Variants in SYT1 observed in about 807,000 individuals in gnomAD.
SYT1 encodes the protein synaptotagmin-1.
SYT1 carries 8 observed loss-of-function variants against 44.8 expected under a neutral mutation model. That is an observed-to-expected ratio of 0.18 (90% CI 0.10 to 0.32). The LOEUF (loss-of-function observed/expected upper bound fraction) is 0.32, where lower values mean the gene tolerates loss of function less well. Ranked by LOEUF, SYT1 falls within the 10% of genes least tolerant of loss-of-function variation. SYT1 has a pLI of 1.00. For synonymous variants in SYT1, 154 were observed against 188.8 expected (o/e 0.82, Z 1.51); for missense variants, 286 against 509.3 (o/e 0.56, Z 4.22).
At chr12:79,227,813 G>T (rs1046946610) in intron 4 of SYT1, among the ~76,000 whole-genome samples, 1 of 152,058 alleles carries the variant, frequency 6.6e-6, no homozygotes, top group Non-Finnish European at 1.5e-5. Context: ...CTGAATAAGC[G>T]CTCTATAAAT....
intron 2 of SYT1, among the ~76,000 whole-genome samples, chr12:78,992,652 A>G (rs1870098075): frequency 6.6e-6 from 1 of 152,194 alleles, no homozygotes; most frequent in African/African-American, 2.4e-5. Context: ...CTAGTACAAC[A>G]TGAAAACCCC....
At chr12:79,444,885 T>C (rs1217097633) in intron 10 of SYT1, among the ~76,000 whole-genome samples, 1 of 152,112 alleles carries the variant, frequency 6.6e-6, no homozygotes, top group Non-Finnish European at 1.5e-5. Context: ...TTTTTGAAAA[T>C]ATTTACATTT....
intron 9 of SYT1, among the ~76,000 whole-genome samples, chr12:79,385,246 C>G (rs1198771535): frequency 1.3e-5 from 2 of 151,960 alleles, no homozygotes; most frequent in East Asian, 3.9e-4. Flanking sequence ...CTCGGCCTCC[C>G]AAAGTGTCGG....
At chr12:79,185,597 G>C (rs1872758502) in intron 3 of SYT1, among the ~76,000 whole-genome samples, 1 of 151,932 alleles carries the variant, frequency 6.6e-6, no homozygotes, top group Non-Finnish European at 1.5e-5. Flanking sequence ...GTTAAAAAAA[G>C]AGTAGCCCAT....
At chr12:78,866,882 C>G (rs974377736) in intron 1 of SYT1, among the ~76,000 whole-genome samples, 1 of 151,986 alleles carries the variant, frequency 6.6e-6, no homozygotes, top group Non-Finnish European at 1.5e-5. Context: ...TTTTTCACTA[C>G]GTACGTTTAA....
chr12:79,290,297 T>C (rs995307699), intron 5 of SYT1, among the ~76,000 whole-genome samples: 9 of 152,182 alleles, frequency 5.9e-5, no homozygotes, highest in African/African-American at 2.2e-4. Flanking sequence ...TAGAATCAAA[T>C]TGGAGTTAAC....
intron 8 of SYT1, among the ~76,000 whole-genome samples, chr12:79,326,604 T>C (rs1237099460): frequency 6.6e-6 from 1 of 152,228 alleles, no homozygotes; most frequent in Non-Finnish European, 1.5e-5. Context: ...CTCTCCATGT[T>C]TGGAAATGAA....
chr12:78,914,043 T>A (rs926560491), intron 1 of SYT1, among the ~76,000 whole-genome samples: 1 of 151,904 alleles, frequency 6.6e-6, no homozygotes, highest in Non-Finnish European at 1.5e-5. Flanking sequence ...ACAATGTTAT[T>A]CTGACTATAA....
At chr12:78,896,634 CAG>C in intron 1 of SYT1, among the ~76,000 whole-genome samples, 1 of 151,704 alleles carries the variant, frequency 6.6e-6, no homozygotes, top group Non-Finnish European at 1.5e-5. Context: ...CTCATGTAAA[CAG>C]AGACTTTAGA....
At chr12:79,247,907 T>A in intron 4 of SYT1, among the ~76,000 whole-genome samples, 1 of 152,240 alleles carries the variant, frequency 6.6e-6, no homozygotes, top group East Asian at 1.9e-4. Flanking sequence ...AAGAGCCATC[T>A]TGGCTGCTGA....
intron 1 of SYT1, among the ~76,000 whole-genome samples, chr12:78,969,017 C>T (rs1726132441): frequency 1.3e-5 from 2 of 152,088 alleles, no homozygotes; most frequent in South Asian, 4.1e-4. Flanking sequence ...CTTCTGTATC[C>T]ACAGGTTCAA....
At chr12:79,398,108 A>G (rs1003296522) in intron 9 of SYT1, among the ~76,000 whole-genome samples, 3 of 152,152 alleles carry the variant, frequency 2.0e-5, no homozygotes, top group African/African-American at 7.2e-5. Context: ...TCCATTTGTC[A>G]TTTGTTATGT....
intron 2 of SYT1, among the ~76,000 whole-genome samples, chr12:79,010,547 A>G (rs1245533379): frequency 6.6e-6 from 1 of 152,186 alleles, no homozygotes; most frequent in Non-Finnish European, 1.5e-5. Flanking sequence ...CTTATTAAAT[A>G]AAGCCCACTA....
At chr12:79,179,429 TAG>T (rs368487393) in intron 3 of SYT1, among the ~76,000 whole-genome samples, 159 of 3,954 alleles carry the variant, frequency 0.04, 5 homozygotes, top group Admixed American at 0.08. Context: ...TATATCTATA[TAG>T]ATATATCCAT....
intron 2 of SYT1, among the ~76,000 whole-genome samples, chr12:78,985,696 T>A (rs1445705117): frequency 6.6e-6 from 1 of 151,954 alleles, no homozygotes; most frequent in Non-Finnish European, 1.5e-5. Context: ...TAATTCTGAG[T>A]ATAAATGTAA....
chr12:79,351,855 T>C (rs189702425), intron 8 of SYT1, among the ~76,000 whole-genome samples: 1 of 152,294 alleles, frequency 6.6e-6, no homozygotes, highest in Non-Finnish European at 1.5e-5. Flanking sequence ...TTCTAAAGTT[T>C]CCACTTATTT....
At chr12:79,099,505 C>G (rs559073452) in intron 3 of SYT1, among the ~76,000 whole-genome samples, 3 of 152,022 alleles carry the variant, frequency 2.0e-5, no homozygotes, top group Non-Finnish European at 4.4e-5. Context: ...GAACAGTGAA[C>G]AATTACTCAA....
intron 3 of SYT1, among the ~76,000 whole-genome samples, chr12:79,156,925 C>G (rs1024424894): frequency 1.3e-5 from 2 of 152,122 alleles, no homozygotes; most frequent in African/African-American, 4.8e-5. Flanking sequence ...TTCCAGGTCA[C>G]CTTTCCCCTC....
At chr12:79,336,650 C>T (rs755586177) in intron 8 of SYT1, among the ~76,000 whole-genome samples, 4 of 152,168 alleles carry the variant, frequency 2.6e-5, no homozygotes, top group African/African-American at 9.6e-5. Flanking sequence ...TTCATTGAGA[C>T]AGGATCTCAG....
Sources: allele counts gnomAD v4.1 joint callset (sites outside exome capture counted in the v4.1 genomes callset), GRCh38; gene constraint gnomAD v4.1.1; transcripts MANE v1.5; gene names NCBI Gene and HGNC (gene_info 2026-07-23, HGNC 2026-07-21).